TMEM132D: variants seen among roughly 807,000 people sequenced by gnomAD.
TMEM132D encodes transmembrane protein 132D, also known as mature OL transmembrane protein.
Under a neutral mutation model 62.3 loss-of-function variants are expected in TMEM132D, and 21 were observed. That is an observed-to-expected ratio of 0.34 (90% confidence interval 0.24 to 0.49). The LOEUF is 0.49. Among genes scored for constraint, TMEM132D ranks in the 20% least tolerant of loss-of-function variants. The pLI, the probability that TMEM132D is intolerant of heterozygous loss-of-function variation, is 0.99. For missense variants in TMEM132D, 1,346 were observed against 1,402.8 expected, an observed-to-expected ratio of 0.96 and a Z score of 0.65; for synonymous variants, 621 against 575.6, an observed-to-expected ratio of 1.08 and a Z score of -1.13.
Position 129,134,454 on chromosome 12 carries a change from T to C in TMEM132D, c.1444-49752A>G, listed in dbSNP as rs555543139. On this transcript the variant is annotated intron_variant, in intron 5 of 8. Coordinates refer to ENST00000422113, the MANE Select transcript of TMEM132D (RefSeq NM_133448.3). Reference sequence around the variant, plus strand: ...CAGGGCTGGCTCTTCTTCTTTCTTATGTCAATATCCTCAGCTCAAGAGAAG... The same window carrying C: ...CAGGGCTGGCTCTTCTTCTTTCTTACGTCAATATCCTCAGCTCAAGAGAAG... Among the ~76,000 whole-genome samples the C allele has an allele frequency of 4.6e-5, 7 of 152,310 alleles. 1 individual carries two copies. In the South Asian group the frequency reaches 1.5e-3, roughly 32 times the overall value.
chr12:129,131,024 T>C (rs1381496634), intron 5 of TMEM132D, among the ~76,000 whole-genome samples: 1 of 152,156 alleles, frequency 6.6e-6, no homozygotes, highest in Non-Finnish European at 1.5e-5. Flanking sequence ...GGTGTTTTTC[T>C]GTGCCCCCAG....
At chr12:129,211,527 T>A (rs1829157819) in intron 4 of TMEM132D, among the ~76,000 whole-genome samples, 1 of 152,184 alleles carries the variant, frequency 6.6e-6, no homozygotes, top group African/African-American at 2.4e-5. Context: ...AAGTTTATCA[T>A]CCTAAAATTA....
intron 2 of TMEM132D, among the ~76,000 whole-genome samples, chr12:129,663,138 C>CT (rs1157754703): frequency 0.022 from 3,264 of 145,428 alleles, 99 homozygotes; most frequent in African/African-American, 0.074. Context: ...AACGTCTGCC[C>CT]TTTTTTTTTT....
chr12:129,850,248 A>T (rs1320186675), intron 1 of TMEM132D, among the ~76,000 whole-genome samples: 1 of 152,176 alleles, frequency 6.6e-6, no homozygotes, highest in East Asian at 1.9e-4. Context: ...ACTCACAGAC[A>T]GGAGGAAGGA....
intron 3 of TMEM132D, among the ~76,000 whole-genome samples, chr12:129,355,306 T>C (rs1870004903): frequency 6.6e-6 from 1 of 151,744 alleles, no homozygotes; most frequent in South Asian, 2.1e-4. Context: ...TTTTCCAGAA[T>C]AGAAACTCAA....
intron 3 of TMEM132D, among the ~76,000 whole-genome samples, chr12:129,514,052 G>C (rs1875599683): frequency 6.7e-6 from 1 of 149,914 alleles, no homozygotes; most frequent in African/African-American, 2.5e-5. Flanking sequence ...TGTCAGCCAG[G>C]ATGGTCTCGA....
intron 1 of TMEM132D, among the ~76,000 whole-genome samples, chr12:129,874,666 C>A (rs1874357647): frequency 6.9e-6 from 1 of 145,864 alleles, no homozygotes. Context: ...TACTTTTATA[C>A]AGCCCCAAAA....
At chr12:129,285,110 T>C (rs1293224889) in intron 4 of TMEM132D, among the ~76,000 whole-genome samples, 5 of 152,238 alleles carry the variant, frequency 3.3e-5, no homozygotes, top group Non-Finnish European at 7.3e-5. Flanking sequence ...TTTTTTCCTA[T>C]GCCACTGAGT....
At chr12:129,743,622 CA>C (rs75100642) in intron 1 of TMEM132D, among the ~76,000 whole-genome samples, 24,289 of 152,000 alleles carry the variant, frequency 0.16, 2,407 homozygotes, top group Admixed American at 0.23. Context: ...CCCCTACAAC[CA>C]AAAAAATATG....
At chr12:129,798,314 AG>A (rs965729194) in intron 1 of TMEM132D, among the ~76,000 whole-genome samples, 2 of 152,222 alleles carry the variant, frequency 1.3e-5, no homozygotes, top group African/African-American at 4.8e-5. Context: ...ATTTTTTTAA[AG>A]GTCTTTCTCA....
At chr12:129,308,946 T>G (rs1881907290) in intron 4 of TMEM132D, among the ~76,000 whole-genome samples, 1 of 152,184 alleles carries the variant, frequency 6.6e-6, no homozygotes, top group Non-Finnish European at 1.5e-5. Flanking sequence ...TAGCTTTTAG[T>G]CTAAATTTGC....
chr12:129,292,722 C>A (rs969455783), intron 4 of TMEM132D, among the ~76,000 whole-genome samples: 3 of 152,084 alleles, frequency 2.0e-5, no homozygotes, highest in Non-Finnish European at 4.4e-5. Context: ...CACATAATTA[C>A]CAATAACACA....
At chr12:129,424,078 C>T (rs1417449767) in intron 3 of TMEM132D, among the ~76,000 whole-genome samples, 1 of 151,978 alleles carries the variant, frequency 6.6e-6, no homozygotes, top group Non-Finnish European at 1.5e-5. Flanking sequence ...ATACTAACGA[C>T]AGTTGACTAT....
chr12:129,558,461 CA>C (rs1387816075), intron 2 of TMEM132D, among the ~76,000 whole-genome samples: 1 of 152,076 alleles, frequency 6.6e-6, no homozygotes, highest in South Asian at 2.1e-4. Flanking sequence ...GGGTAAGGAT[CA>C]GGGGGCTACA....
intron 3 of TMEM132D, among the ~76,000 whole-genome samples, chr12:129,353,918 A>T (rs1056407753): frequency 7.9e-5 from 12 of 152,024 alleles, no homozygotes; most frequent in African/African-American, 2.7e-4. Flanking sequence ...GCACGGAGCC[A>T]ATGAACAGCT....
At chr12:129,353,500 A>C (rs10744411) in intron 3 of TMEM132D, among the ~76,000 whole-genome samples, 149,784 of 152,176 alleles carry the variant, frequency 0.98, 73,751 homozygotes, top group Middle Eastern at 1. Flanking sequence ...CTTCTCCTCC[A>C]CATCGCTGAG....
At chr12:129,583,304 A>G (rs1448965244) in intron 2 of TMEM132D, among the ~76,000 whole-genome samples, 3 of 152,202 alleles carry the variant, frequency 2.0e-5, no homozygotes, top group African/African-American at 7.2e-5. Flanking sequence ...GATGGGAAGC[A>G]GATCATTGGC....
intron 7 of TMEM132D, among the ~76,000 whole-genome samples, chr12:129,079,411 T>C (rs977027382): frequency 1.8e-4 from 27 of 152,186 alleles, no homozygotes; most frequent in African/African-American, 5.3e-4. Flanking sequence ...ACACCTGGAA[T>C]GACCTGGAAA....
At chr12:129,399,770 A>G (rs1356913962) in intron 3 of TMEM132D, among the ~76,000 whole-genome samples, 2 of 152,158 alleles carry the variant, frequency 1.3e-5, no homozygotes, top group Non-Finnish European at 2.9e-5. Context: ...AAGCAAAGAG[A>G]GAGGAATTAA....
Sources: allele counts gnomAD v4.1 joint callset (sites outside exome capture counted in the v4.1 genomes callset), GRCh38; gene constraint gnomAD v4.1.1; transcripts MANE v1.5; gene names NCBI Gene and HGNC (gene_info 2026-07-23, HGNC 2026-07-21).